Variants in FAM168B observed in about 807,000 individuals in gnomAD.
FAM168B encodes the protein myelin-associated neurite-outgrowth inhibitor.
Under a neutral mutation model 21.8 loss-of-function variants are expected in FAM168B, and 19 were observed. The observed-to-expected ratio is 0.87, with a 90% CI of 0.61 to 1.28. The LOEUF (loss-of-function observed/expected upper bound fraction) is 1.28. FAM168B is among the 50% of genes most tolerant of loss of function. FAM168B has a pLI of 0.00. For missense variants in FAM168B, 233 were observed against 263.1 expected (o/e 0.89, Z 0.79); for synonymous variants, 126 against 104.8 (o/e 1.20, Z -1.24).
In FAM168B at chr2:131,051,212, A is replaced by G. The variant is rs1335813699; in HGVS notation, c.*1253T>C. The G allele has an allele frequency of 2.0e-6, 2 of 985,296 alleles. No homozygotes were observed. Among genetic ancestry groups the G allele is most frequent in the South Asian group, 4.7e-5 (1 of 21,272 alleles). The allele number at this position is 985,296 out of a possible 1,614,324, so 61.0% of individuals were successfully genotyped here. On this transcript the variant is annotated 3_prime_UTR_variant, in exon 7 of 7. Transcript: ENST00000389915. ...TGGCCTCCCCCTCGCCCCATCTCTA[A>G]GCGTCCCCTCCAGCCGGCCTCAGCA...
intron 1 of FAM168B, among the ~76,000 whole-genome samples, chr2:131,084,351 T>A (rs145111259): frequency 8.6e-5 from 13 of 151,466 alleles, no homozygotes; most frequent in Non-Finnish European, 1.6e-4. Context: ...CCACCACATC[T>A]GGCTAAGTTT....
At chr2:131,080,073 C>T (rs961925948) in intron 2 of FAM168B, among the ~76,000 whole-genome samples, 16 of 151,542 alleles carry the variant, frequency 1.1e-4, no homozygotes, top group South Asian at 4.2e-4. Flanking sequence ...GCCAAGATCA[C>T]GCCATTGCAC....
chr2:131,047,975 TCATCA>T lies in FAM168B; in HGVS notation c.*4485_*4489del, dbSNP rs1378629215. The T allele has an allele frequency of 1.2e-5, 3 of 255,284 alleles. No individual in the cohort carries two copies. Among genetic ancestry groups the T allele is most frequent in the African/African-American group, 6.7e-5 (3 of 44,986 alleles). 15.8% of individuals were successfully genotyped at this position (255,284 alleles called of 1,614,324 possible). A position where few individuals can be genotyped will look rare whatever the true frequency, so the allele number is the denominator to read the frequency against. On this transcript the variant is annotated 3_prime_UTR_variant, in exon 7 of 7. Transcript: ENST00000389915. Reference sequence around the variant, plus strand: ...TGAGATTTTTAAATCTGAGCTCATCTCATCAGATTGCATAAAAAATTAAAATAGTA... The same window carrying T: ...TGAGATTTTTAAATCTGAGCTCATCTGATTGCATAAAAAATTAAAATAGTA...
Position 131,052,310 on chromosome 2 carries a change from G to C in FAM168B, c.*155C>G. 1.0e-6 allele frequency: 1 copy of C among 985,986 alleles called. No individual in the cohort carries two copies. 61.1% of individuals were successfully genotyped at this position (985,986 alleles called of 1,614,324 possible). A position where few individuals can be genotyped will look rare whatever the true frequency, so the allele number is the denominator to read the frequency against. On this transcript the variant is annotated 3_prime_UTR_variant, in exon 7 of 7. Coordinates refer to ENST00000389915, the MANE Select transcript of FAM168B (RefSeq NM_001009993.4). ...ACAGAGTCAGCTGGAGACTAACGGC[G>C]CTGGGGCCTGCTGGGCCGGGATATA...
chr2:131,051,361 C>G lies in FAM168B; in HGVS notation c.*1104G>C. 3.0e-6 allele frequency: 3 copies of G among 985,336 alleles called. No individual in the cohort carries two copies. Among genetic ancestry groups the G allele is most frequent in the Non-Finnish European group, 3.6e-6 (3 of 829,928 alleles). 61.0% of individuals were successfully genotyped at this position (985,336 alleles called of 1,614,324 possible). ...GGAATTTTAAATAAAGTTTTGTTCC[C>G]TTTTAACTCATTCTTAAATATACCA... On this transcript the variant is annotated 3_prime_UTR_variant, in exon 7 of 7. Coordinates refer to ENST00000389915, the MANE Select transcript of FAM168B (RefSeq NM_001009993.4).
chr2:131,088,735 G>A (rs756037972), intron 1 of FAM168B, among the ~76,000 whole-genome samples: 2 of 152,170 alleles, frequency 1.3e-5, no homozygotes, highest in Non-Finnish European at 2.9e-5. Flanking sequence ...ACATCAAGTA[G>A]AAATTATGTA....
chr2:131,056,425 A>G (rs1203659586), intron 3 of FAM168B, among the ~76,000 whole-genome samples: 1 of 152,214 alleles, frequency 6.6e-6, no homozygotes, highest in Non-Finnish European at 1.5e-5. Flanking sequence ...CTCAGCCAGC[A>G]GCGAGGAGCA....
chr2:131,074,303 A>AT (rs1266782736), intron 2 of FAM168B, among the ~76,000 whole-genome samples: 1 of 152,002 alleles, frequency 6.6e-6, no homozygotes, highest in Non-Finnish European at 1.5e-5. Flanking sequence ...TAATGTTTGT[A>AT]TTTTTAGTAG....
At chr2:131,084,197 C>CA in intron 1 of FAM168B, among the ~76,000 whole-genome samples, 1 of 141,506 alleles carries the variant, frequency 7.1e-6, no homozygotes, top group African/African-American at 2.7e-5. Flanking sequence ...CCGCCCCCCC[C>CA]ACCCCACCCC....
intron 2 of FAM168B, among the ~76,000 whole-genome samples, chr2:131,077,870 T>C (rs1187175154): frequency 6.6e-6 from 1 of 152,130 alleles, no homozygotes; most frequent in East Asian, 1.9e-4. Flanking sequence ...ACTCCCCTGG[T>C]GTAAGAGACA....
At chr2:131,060,988 A>C (rs1692263171) in intron 3 of FAM168B, among the ~76,000 whole-genome samples, 1 of 150,852 alleles carries the variant, frequency 6.6e-6, no homozygotes, top group Non-Finnish European at 1.5e-5. Context: ...AGTAGCTGGG[A>C]CTACAGGCGC....
intron 1 of FAM168B, among the ~76,000 whole-genome samples, chr2:131,082,894 G>A (rs546042077): frequency 4.6e-5 from 7 of 152,242 alleles, no homozygotes; most frequent in African/African-American, 1.7e-4. Context: ...CAGAAGCTAA[G>A]GAGTAAAAAT....
chr2:131,054,603 T>C (rs1691902217), intron 5 of FAM168B, among the ~76,000 whole-genome samples: 1 of 152,230 alleles, frequency 6.6e-6, no homozygotes, highest in African/African-American at 2.4e-5. Flanking sequence ...TGTGTGGGCA[T>C]GACCTAAAGG....
intron 2 of FAM168B, among the ~76,000 whole-genome samples, chr2:131,074,092 C>A (rs1693015077): frequency 6.6e-6 from 1 of 152,162 alleles, no homozygotes; most frequent in South Asian, 2.1e-4. Context: ...GCTCACAGTA[C>A]AGGAGGCATC....
intron 3 of FAM168B, among the ~76,000 whole-genome samples, chr2:131,068,098 C>A (rs570342527): frequency 1.4e-4 from 22 of 152,330 alleles, no homozygotes; most frequent in Non-Finnish European, 2.6e-4. Context: ...GATGGGCACA[C>A]AGCTGTGGTC....
At position 131,051,846 on chromosome 2, in the gene FAM168B, TC is replaced by T. The variant is rs565056476; in HGVS notation, c.*618del. ...CAGCTGCACCCAAGCAGCTGTGGCT[TC>T]CCTACTCTCTCCCAAACCTCGCAAC... On this transcript the variant is annotated 3_prime_UTR_variant, in exon 7 of 7. Transcript: ENST00000389915. 9.5e-5 allele frequency: 94 copies of T among 985,422 alleles called. 1 individual carries two copies. The East Asian group carries it at 8.2e-3, about 86-fold the overall frequency. 61.0% of individuals were successfully genotyped at this position (985,422 alleles called of 1,614,324 possible). A position where few individuals can be genotyped will look rare whatever the true frequency, so the allele number is the denominator to read the frequency against.
chr2:131,087,063 CA>C (rs70994735), intron 1 of FAM168B, among the ~76,000 whole-genome samples: 796 of 40,600 alleles, frequency 0.02, 14 homozygotes, highest in African/African-American at 0.11. Context: ...GACTCCGTCT[CA>C]AAAAAAAAAA....
intron 3 of FAM168B, among the ~76,000 whole-genome samples, chr2:131,069,292 G>A (rs1033950754): frequency 3.9e-5 from 6 of 152,236 alleles, no homozygotes; most frequent in Admixed American, 1.3e-4. Context: ...AGTAACTTAC[G>A]TTATGGTGGT....
chr2:131,055,736 G>T, intron 3 of FAM168B, 41 bp from the exon 4 acceptor site: 1 of 1,602,238 alleles, frequency 6.2e-7, no homozygotes, highest in Non-Finnish European at 8.5e-7. Context: ...ACCCAAGCCG[G>T]TCCAGGCGCA....
Sources: gnomAD v4.1 joint callset for allele counts (sites outside exome capture counted in the v4.1 genomes callset) on GRCh38, gnomAD v4.1.1 for gene constraint, MANE v1.5 for transcripts, NCBI Gene and HGNC (gene_info 2026-07-23, HGNC 2026-07-21) for gene names.